The following LGR5 variants were observed in gnomAD, a reference collection of about 807,000 sequenced individuals.
LGR5 encodes the protein leucine rich repeat containing G protein-coupled receptor 5, also known as leucine-rich repeat-containing G protein-coupled receptor 5.
Under a neutral mutation model 76.7 loss-of-function variants are expected in LGR5, and 54 were observed. The observed-to-expected ratio is 0.70, with a 90% CI of 0.57 to 0.88. The LOEUF (loss-of-function observed/expected upper bound fraction) is 0.88, where lower values mean the gene tolerates loss of function less well. Ranked by LOEUF, LGR5 falls within the 40% of genes least tolerant of loss-of-function variation. LGR5 has a pLI of 0.00. For synonymous variants in LGR5, 406 were observed against 421.9 expected (o/e 0.96, Z 0.46); for missense variants, 1,078 against 1,073.3 (o/e 1.00, Z -0.06).
At chr12:71,543,924 A>G (rs1461561266) in intron 4 of LGR5, among the ~76,000 whole-genome samples, 1 of 152,232 alleles carries the variant, frequency 6.6e-6, no homozygotes, top group Admixed American at 6.5e-5. Flanking sequence ...AGTGCCCCTG[A>G]TAGAAAAAGG....
intron 1 of LGR5, among the ~76,000 whole-genome samples, chr12:71,480,011 A>C (rs967567295): frequency 2.0e-5 from 3 of 152,194 alleles, no homozygotes; most frequent in Non-Finnish European, 4.4e-5. Context: ...TTTGGCTGCC[A>C]TGTAGAACAA....
intron 2 of LGR5, among the ~76,000 whole-genome samples, chr12:71,520,880 C>A (rs551881486): frequency 2.6e-5 from 4 of 152,238 alleles, no homozygotes; most frequent in Admixed American, 2.0e-4. Flanking sequence ...AAAGAAAAAT[C>A]TCTAGACAGG....
intron 8 of LGR5, among the ~76,000 whole-genome samples, chr12:71,565,579 C>A (rs1416785674): frequency 6.7e-6 from 1 of 149,990 alleles, no homozygotes; most frequent in African/African-American, 2.5e-5. Context: ...GGCTCCTTTA[C>A]CACAGGAACA....
intron 1 of LGR5, among the ~76,000 whole-genome samples, chr12:71,503,828 T>C (rs1465421022): frequency 6.6e-6 from 1 of 152,118 alleles, no homozygotes; most frequent in Non-Finnish European, 1.5e-5. Flanking sequence ...GCCTCTGAGA[T>C]ACAGAGGGCA....
intron 1 of LGR5, among the ~76,000 whole-genome samples, chr12:71,480,827 C>A (rs1873565711): frequency 6.6e-6 from 1 of 152,082 alleles, no homozygotes; most frequent in Non-Finnish European, 1.5e-5. Context: ...CACATGGTGG[C>A]ATAAAATAAG....
At chr12:71,502,335 T>C (rs1874647134) in intron 1 of LGR5, among the ~76,000 whole-genome samples, 1 of 151,762 alleles carries the variant, frequency 6.6e-6, no homozygotes, top group South Asian at 2.1e-4. Flanking sequence ...GTAGCTAGGA[T>C]TACAGGTGCC....
At chr12:71,494,429 T>A (rs944932730) in intron 1 of LGR5, among the ~76,000 whole-genome samples, 1 of 151,084 alleles carries the variant, frequency 6.6e-6, no homozygotes, top group African/African-American at 2.5e-5. Flanking sequence ...ATCAGCTAGT[T>A]CTTTGTAAGC....
chr12:71,532,302 T>A (rs1876357589), intron 3 of LGR5, among the ~76,000 whole-genome samples: 1 of 152,180 alleles, frequency 6.6e-6, no homozygotes, highest in South Asian at 2.1e-4. Flanking sequence ...CTTTTAATAT[T>A]CAGATAAATT....
chr12:71,570,941 A>G (rs1258184673), intron 11 of LGR5, among the ~76,000 whole-genome samples: 1 of 152,230 alleles, frequency 6.6e-6, no homozygotes, highest in Non-Finnish European at 1.5e-5. Flanking sequence ...TTCGCAAATT[A>G]TGATGGCTTG....
chr12:71,558,743 C>T (rs1485641311), intron 6 of LGR5, among the ~76,000 whole-genome samples: 1 of 152,172 alleles, frequency 6.6e-6, no homozygotes, highest in Non-Finnish European at 1.5e-5. Flanking sequence ...GGTTTTTCTG[C>T]GTCATCTGGG....
chr12:71,492,535 T>C (rs1337900520), intron 1 of LGR5, among the ~76,000 whole-genome samples: 1 of 152,176 alleles, frequency 6.6e-6, no homozygotes, highest in Non-Finnish European at 1.5e-5. Context: ...TATACATGAC[T>C]CCCCATTGAT....
At chr12:71,462,124 A>T (rs1317877995) in intron 1 of LGR5, among the ~76,000 whole-genome samples, 1 of 152,080 alleles carries the variant, frequency 6.6e-6, no homozygotes, top group East Asian at 1.9e-4. Flanking sequence ...TTGAATGCTG[A>T]TCGTGTCACT....
At chr12:71,506,303 C>T (rs1335795287) in intron 2 of LGR5, among the ~76,000 whole-genome samples, 1 of 152,048 alleles carries the variant, frequency 6.6e-6, no homozygotes, top group African/African-American at 2.4e-5. Flanking sequence ...TGCTTCCCTT[C>T]TCCCTCAACA....
intron 2 of LGR5, among the ~76,000 whole-genome samples, chr12:71,519,696 T>C (rs1343157205): frequency 1.3e-5 from 2 of 151,704 alleles, no homozygotes; most frequent in African/African-American, 2.4e-5. Context: ...CATGGTGTCA[T>C]GTGCCTGTAG....
chr12:71,567,834 G>A (rs1376366982), intron 11 of LGR5, among the ~76,000 whole-genome samples: 36 of 152,146 alleles, frequency 2.4e-4, no homozygotes, highest in African/African-American at 7.2e-5. Flanking sequence ...GGAGTATAGA[G>A]CAAATCTTTC....
intron 2 of LGR5, among the ~76,000 whole-genome samples, chr12:71,508,669 G>A (rs1385583359): frequency 6.8e-6 from 1 of 146,114 alleles, no homozygotes; most frequent in Non-Finnish European, 1.5e-5. Context: ...CAGTAGAATC[G>A]CTTGAACCTG....
At chr12:71,561,602 C>CT (rs1315971789) in intron 7 of LGR5, among the ~76,000 whole-genome samples, 179 bp from the exon 8 acceptor site, 10 of 152,120 alleles carry the variant, frequency 6.6e-5, no homozygotes, top group African/African-American at 1.2e-4. Flanking sequence ...CAGCACATGA[C>CT]TTTTTTTATC....
intron 1 of LGR5, among the ~76,000 whole-genome samples, chr12:71,487,027 C>G (rs1873859864): frequency 6.6e-6 from 1 of 152,086 alleles, no homozygotes; most frequent in Non-Finnish European, 1.5e-5. Context: ...GTATCCAGAC[C>G]ATTTAGGTGG....
At chr12:71,471,831 G>GT (rs1277536407) in intron 1 of LGR5, among the ~76,000 whole-genome samples, 6 of 152,034 alleles carry the variant, frequency 3.9e-5, no homozygotes, top group African/African-American at 1.2e-4. Flanking sequence ...CACAGTGCCT[G>GT]TGACATAATA....
Sources: allele counts gnomAD v4.1 joint callset (sites outside exome capture counted in the v4.1 genomes callset), GRCh38; gene constraint gnomAD v4.1.1; transcripts MANE v1.5; gene names NCBI Gene and HGNC (gene_info 2026-07-23, HGNC 2026-07-21).